Variants in DIS3L2 observed in about 807,000 individuals in gnomAD.
The protein encoded by DIS3L2 is DIS3 like 3'-5' exoribonuclease 2.
In DIS3L2, 34 loss-of-function variants were observed where a neutral mutation model predicts 97.5. The observed-to-expected ratio is 0.35, with a 90% CI of 0.27 to 0.46. The LOEUF is 0.46. Ranked by LOEUF, DIS3L2 falls within the 20% of genes least tolerant of loss-of-function variation. The probability of loss-of-function intolerance (pLI) is 1.00; values close to 1 mark genes in which losing one functional copy is unlikely to be tolerated. For missense variants in DIS3L2, 1,038 were observed against 1,146.0 expected (o/e 0.91, Z 1.36); for synonymous variants, 435 against 445.2 (o/e 0.98, Z 0.29).
intron 5 of DIS3L2, among the ~76,000 whole-genome samples, chr2:232,056,241 T>G (rs930233019): frequency 1.3e-5 from 2 of 151,976 alleles, no homozygotes; most frequent in Non-Finnish European, 2.9e-5. Context: ...CCTGGTGGTG[T>G]GTGCCTGTAG....
intron 12 of DIS3L2, 146 bp from the exon 13 acceptor site, chr2:232,263,061 G>A: frequency 1.2e-6 from 1 of 807,014 alleles, no homozygotes; most frequent in Admixed American, 2.3e-5. Flanking sequence ...TCATCTGGGT[G>A]CCTAGCCTGA....
At position 231,969,296 on chromosome 2, in the gene DIS3L2, A is replaced by G. The variant is rs1394138422; in HGVS notation, c.-94+7531A>G. On this transcript the variant is annotated intron_variant, in intron 1 of 20. Transcript: ENST00000325385. ...ATCTGGCTAAGCTCACTTAGTTCTTATTAGTCCTAGACCTTTTTTTTTTTT... is the reference window on the plus strand; with the variant it reads ...ATCTGGCTAAGCTCACTTAGTTCTTGTTAGTCCTAGACCTTTTTTTTTTTT... Among the ~76,000 whole-genome samples the G allele has an allele frequency of 2.7e-5, 4 of 146,008 alleles. No homozygotes were observed. In the East Asian group the frequency reaches 6.1e-4, roughly 22 times the overall value.
chr2:232,339,783 G>A (rs1696065471), downstream of DIS3L2: 2 of 453,482 alleles, frequency 4.4e-6, no homozygotes, highest in Admixed American at 2.4e-5. Context: ...GGCAGGATGG[G>A]ATGTGCAGCT....
intron 12 of DIS3L2, among the ~76,000 whole-genome samples, chr2:232,255,546 T>C (rs1194526424): frequency 2.0e-5 from 3 of 152,234 alleles, no homozygotes; most frequent in Admixed American, 6.5e-5. Flanking sequence ...ATTAAGCTAG[T>C]GCTCAGGCTT....
intron 6 of DIS3L2, among the ~76,000 whole-genome samples, chr2:232,109,582 C>CA (rs1245243813): frequency 3.3e-5 from 5 of 152,300 alleles, no homozygotes; most frequent in Non-Finnish European, 7.3e-5. Context: ...TGTACATCTA[C>CA]AGCCATCTGA....
At chr2:232,318,166 G>A (rs1353475889) in intron 14 of DIS3L2, among the ~76,000 whole-genome samples, 2 of 152,136 alleles carry the variant, frequency 1.3e-5, no homozygotes, top group African/African-American at 2.4e-5. Flanking sequence ...TGGTCGGGGT[G>A]CCCAGGAAGC....
intron 6 of DIS3L2, 61 bp downstream of exon 6, chr2:232,087,782 C>A: frequency 2.3e-6 from 3 of 1,304,320 alleles, no homozygotes; most frequent in South Asian, 1.3e-5. Flanking sequence ...ATTGGAATTC[C>A]CTCTCTGCTG....
chr2:232,284,306 G>C (rs1694371099), intron 13 of DIS3L2, among the ~76,000 whole-genome samples: 1 of 152,122 alleles, frequency 6.6e-6, no homozygotes, highest in African/African-American at 2.4e-5. Flanking sequence ...CAAGTATCAG[G>C]GCTGCAGTTG....
intron 5 of DIS3L2, among the ~76,000 whole-genome samples, chr2:232,072,783 G>GGGGTGT (rs1401996898): frequency 0.014 from 1,971 of 139,876 alleles, 28 homozygotes; most frequent in African/African-American, 0.028. Flanking sequence ...TGGGATGTGG[G>GGGGTGT]GTGTGTGTGT....
At chr2:232,211,764 A>G (rs961052795) in intron 10 of DIS3L2, among the ~76,000 whole-genome samples, 2 of 152,210 alleles carry the variant, frequency 1.3e-5, no homozygotes, top group Non-Finnish European at 2.9e-5. Flanking sequence ...AGCTTAGTAG[A>G]TAGAAGGCTG....
rs1485885513 is a variant in DIS3L2, at chr2:232,281,389, A to T, written c.1659+17949A>T. On this transcript the variant is annotated intron_variant, in intron 13 of 20. Coordinates refer to ENST00000325385, the MANE Select transcript of DIS3L2 (RefSeq NM_152383.5). This position sits in a 1 kb window ranked among gnomAD's most constrained non-coding sequence, Gnocchi z 4.1. ...ACTTCAGCCTGGGTGACAGAGCAAGACTCTGTCTCAAAAAGAAAAAAAGAA... is the reference window on the plus strand; with the variant it reads ...ACTTCAGCCTGGGTGACAGAGCAAGTCTCTGTCTCAAAAAGAAAAAAAGAA... Among the ~76,000 whole-genome samples the T allele has an allele frequency of 6.6e-6, 1 of 151,832 alleles. No individual in the cohort carries two copies. The highest frequency in any genetic ancestry group is 2.4e-5 in the African/African-American group (1 of 41,368).
intron 13 of DIS3L2, among the ~76,000 whole-genome samples, chr2:232,298,699 A>G (rs1355332504): frequency 6.6e-6 from 1 of 152,208 alleles, no homozygotes; most frequent in Non-Finnish European, 1.5e-5. Context: ...AAAAAATTAT[A>G]ATAATGTATC....
chr2:232,223,469 A>G (rs930896878), intron 10 of DIS3L2, among the ~76,000 whole-genome samples: 4 of 152,238 alleles, frequency 2.6e-5, no homozygotes, highest in Non-Finnish European at 2.9e-5. Flanking sequence ...AAAAACTAAA[A>G]GAGCTAAGCT....
chr2:232,140,132 T>G (rs1698470131), intron 8 of DIS3L2, among the ~76,000 whole-genome samples: 1 of 152,174 alleles, frequency 6.6e-6, no homozygotes, highest in Non-Finnish European at 1.5e-5. Context: ...TTTTGCACAT[T>G]ACACTTCCTT....
chr2:232,279,061 C>T (rs576138301), intron 13 of DIS3L2, among the ~76,000 whole-genome samples: 7 of 152,192 alleles, frequency 4.6e-5, no homozygotes, highest in Non-Finnish European at 1.0e-4. Flanking sequence ...CCTCAGCCTC[C>T]TGAGTAGTTG....
intron 20 of DIS3L2, chr2:232,336,181 CA>C: frequency 2.0e-6 from 3 of 1,533,266 alleles, no homozygotes; most frequent in Non-Finnish European, 2.6e-6. Context: ...AGTTTACACC[CA>C]AGAAATTGTC....
At chr2:232,212,898 A>T (rs1031278772) in intron 10 of DIS3L2, among the ~76,000 whole-genome samples, 1 of 152,170 alleles carries the variant, frequency 6.6e-6, no homozygotes, top group Non-Finnish European at 1.5e-5. Context: ...GATGGTGCCA[A>T]GGTTTCAACC....
intron 10 of DIS3L2, among the ~76,000 whole-genome samples, chr2:232,223,935 A>G (rs1293949693): frequency 6.6e-6 from 1 of 152,204 alleles, no homozygotes; most frequent in African/African-American, 2.4e-5. Context: ...AAAAATTACA[A>G]CAATTAGCTG....
rs928396941 is a variant in DIS3L2 at position 232,342,220 on chromosome 2, C to CACAT, written c.1582-1119_1582-1116dup. Among the ~76,000 whole-genome samples, 4 of 147,340 alleles carry CACAT rather than the reference C, an allele frequency of 2.7e-5. No individual in the cohort carries two copies. In the South Asian group the frequency reaches 8.5e-4, roughly 31 times the overall value. On this transcript the variant is annotated intron_variant, in intron 13 of 13. Coordinates refer to the DIS3L2 transcript ENST00000273009. The stretch of plus-strand genomic sequence containing the variant: ...ACACATACATATATACACATATATA[C>CACAT]ACATACATATATACACATACACATA...
Sources: allele counts gnomAD v4.1 joint callset (sites outside exome capture counted in the v4.1 genomes callset), GRCh38; gene constraint gnomAD v4.1.1; non-coding constraint Gnocchi (gnomAD v3.1); transcripts MANE v1.5; gene names NCBI Gene and HGNC (gene_info 2026-07-23, HGNC 2026-07-21).